The following SCAPER variants were observed in gnomAD, a reference collection of about 807,000 sequenced individuals.
SCAPER encodes S phase cyclin A-associated protein in the endoplasmic reticulum.
SCAPER carries 98 observed loss-of-function variants against 182.2 expected under a neutral mutation model. The observed-to-expected ratio is 0.54, with a 90% CI of 0.46 to 0.64. The LOEUF is 0.64. SCAPER is among the 30% of genes least tolerant of loss of function. The pLI is 0.00. For synonymous variants in SCAPER, 605 were observed against 564.6 expected, an observed-to-expected ratio of 1.07 and a Z score of -1.01; for missense variants, 1,432 against 1,690.0, an observed-to-expected ratio of 0.85 and a Z score of 2.68.
intron 14 of SCAPER, among the ~76,000 whole-genome samples, chr15:76,761,763 T>A (rs913081410): frequency 7.2e-5 from 11 of 152,126 alleles, no homozygotes; most frequent in African/African-American, 2.2e-4. Context: ...TTCTGCTGAT[T>A]TGGGGGTAGA....
At chr15:76,800,069 C>T (rs533230867) in intron 7 of SCAPER, among the ~76,000 whole-genome samples, 179 bp downstream of exon 7, 1 of 150,982 alleles carries the variant, frequency 6.6e-6, no homozygotes, top group South Asian at 2.1e-4. Context: ...TGTTTAGAAT[C>T]CTCCCCGGGA....
chr15:76,723,560 A>G (rs1238737897), intron 17 of SCAPER, among the ~76,000 whole-genome samples: 1 of 152,018 alleles, frequency 6.6e-6, no homozygotes, highest in East Asian at 1.9e-4. Context: ...TATTGTGTGG[A>G]AGTCTAAGTC....
intron 14 of SCAPER, among the ~76,000 whole-genome samples, chr15:76,758,311 A>T (rs1216985197): frequency 6.6e-6 from 1 of 152,182 alleles, no homozygotes; most frequent in Non-Finnish European, 1.5e-5. Context: ...GTGGATACCC[A>T]GTATTCCCAA....
intron 25 of SCAPER, among the ~76,000 whole-genome samples, chr15:76,450,396 T>C (rs1219006340): frequency 1.3e-5 from 2 of 152,234 alleles, no homozygotes; most frequent in African/African-American, 4.8e-5. Context: ...GGCTTATTTA[T>C]TCCCCTCAAT....
At chr15:76,780,535 G>C (rs188238802) in intron 8 of SCAPER, among the ~76,000 whole-genome samples, 1 of 152,232 alleles carries the variant, frequency 6.6e-6, no homozygotes, top group African/African-American at 2.4e-5. Context: ...GGTTCTCCCA[G>C]CATGGCATTT....
At chr15:76,716,755 GA>G in intron 17 of SCAPER, among the ~76,000 whole-genome samples, 1 of 151,528 alleles carries the variant, frequency 6.6e-6, no homozygotes, top group African/African-American at 2.4e-5. Flanking sequence ...AGAAGAAAAA[GA>G]AAAAAGAATG....
intron 23 of SCAPER, among the ~76,000 whole-genome samples, chr15:76,516,145 G>C (rs2042397696): frequency 6.6e-6 from 1 of 151,310 alleles, no homozygotes; most frequent in Admixed American, 6.6e-5. Flanking sequence ...GTTATTCTTA[G>C]GGAAAGTAGT....
chr15:76,749,284 A>G (rs1414534490), intron 15 of SCAPER, among the ~76,000 whole-genome samples: 2 of 152,210 alleles, frequency 1.3e-5, no homozygotes. Flanking sequence ...CATGTGAACA[A>G]TTTTAAAGTC....
intron 24 of SCAPER, among the ~76,000 whole-genome samples, chr15:76,480,516 C>A (rs1442009873): frequency 6.6e-6 from 1 of 152,154 alleles, no homozygotes; most frequent in Non-Finnish European, 1.5e-5. Flanking sequence ...GGTCAAACCA[C>A]TGAAAACTAT....
intron 22 of SCAPER, among the ~76,000 whole-genome samples, chr15:76,615,093 AC>A (rs1333020508): frequency 2.0e-5 from 3 of 152,298 alleles, no homozygotes; most frequent in Non-Finnish European, 2.9e-5. Flanking sequence ...TAAAAGACAT[AC>A]AATTAAGTAG....
intron 26 of SCAPER, among the ~76,000 whole-genome samples, chr15:76,423,567 C>T (rs1427359554): frequency 1.3e-5 from 2 of 152,136 alleles, no homozygotes; most frequent in African/African-American, 2.4e-5. Context: ...TTTCAAAAAA[C>T]CAGCTCCTGG....
intron 21 of SCAPER, among the ~76,000 whole-genome samples, chr15:76,629,218 A>T (rs1387129756): frequency 6.6e-6 from 1 of 152,238 alleles, no homozygotes; most frequent in African/African-American, 2.4e-5. Context: ...AGACACTTTG[A>T]CTTCCTCTCT....
intron 6 of SCAPER, among the ~76,000 whole-genome samples, chr15:76,804,305 A>C (rs2065985625): frequency 6.6e-6 from 1 of 152,216 alleles, no homozygotes; most frequent in Non-Finnish European, 1.5e-5. Context: ...TAAATGTGTC[A>C]CATTCAAAAA....
rs573090400 is a variant in SCAPER, at chr15:76,559,485, C to A, written c.2838+14673G>T. On this transcript the variant is annotated intron_variant, in intron 23 of 31. Coordinates refer to ENST00000563290, the MANE Select transcript of SCAPER (RefSeq NM_020843.4). ...GATTGTAAGTTTCCTGAGGCCTCCC[C>A]AGCCATATGGAACTGTGAGTCGGTT... 9.5e-4 allele frequency among the ~76,000 whole-genome samples: 145 copies of A among 152,192 alleles called. 1 individual carries two copies. The highest frequency in any genetic ancestry group is 3.4e-3 in the African/African-American group (142 of 41,518).
chr15:76,852,357 A>C (rs567828773), intron 4 of SCAPER, among the ~76,000 whole-genome samples: 21 of 152,234 alleles, frequency 1.4e-4, no homozygotes, highest in African/African-American at 4.8e-4. Flanking sequence ...TCTCTACAGA[A>C]CTCTCCAACC....
intron 17 of SCAPER, among the ~76,000 whole-genome samples, chr15:76,717,644 G>A (rs1469849361): frequency 6.6e-6 from 1 of 151,874 alleles, no homozygotes; most frequent in African/African-American, 2.4e-5. Context: ...TAAGATGTTT[G>A]GATAAGCTCA....
At chr15:76,742,368 A>G (rs1905696) in intron 15 of SCAPER, among the ~76,000 whole-genome samples, 4 of 80,048 alleles carry the variant, frequency 5.0e-5, no homozygotes, top group Non-Finnish European at 8.5e-5. Context: ...AGGACCAGGC[A>G]CAAGAATTTA....
intron 24 of SCAPER, among the ~76,000 whole-genome samples, chr15:76,497,124 T>TTTTTTC (rs1555456895): frequency 7.2e-6 from 1 of 139,426 alleles, no homozygotes; most frequent in Non-Finnish European, 1.5e-5. Context: ...TTTTTTTTTT[T>TTTTTTC]CCCAAAACGG....
chr15:76,707,497 T>C (rs1158444594), intron 17 of SCAPER, among the ~76,000 whole-genome samples: 2 of 152,118 alleles, frequency 1.3e-5, no homozygotes, highest in Non-Finnish European at 2.9e-5. Context: ...TTGACATTAA[T>C]ACAAGAAATA....
Sources: allele counts gnomAD v4.1 joint callset (sites outside exome capture counted in the v4.1 genomes callset), GRCh38; gene constraint gnomAD v4.1.1; transcripts MANE v1.5; gene names NCBI Gene and HGNC (gene_info 2026-07-23, HGNC 2026-07-21).